Variants in BICD2 observed in about 807,000 individuals in gnomAD.
The protein encoded by BICD2 is BICD cargo adaptor 2.
Under a neutral mutation model 72.9 loss-of-function variants are expected in BICD2, and 25 were observed. That is an observed-to-expected ratio of 0.34 (90% CI 0.25 to 0.48). The LOEUF (loss-of-function observed/expected upper bound fraction) is 0.48. Among genes scored for constraint, BICD2 ranks in the 20% least tolerant of loss-of-function variants. The pLI, the probability that BICD2 is intolerant of heterozygous loss-of-function variation, is 0.99. For missense variants in BICD2, 894 were observed against 1,175.2 expected, an observed-to-expected ratio of 0.76 and a Z score of 3.50; for synonymous variants, 501 against 516.1, an observed-to-expected ratio of 0.97 and a Z score of 0.40.
intron 1 of BICD2, among the ~76,000 whole-genome samples, chr9:92,738,421 T>C (rs914053229): frequency 1.3e-5 from 2 of 152,194 alleles, no homozygotes; most frequent in East Asian, 1.9e-4. Flanking sequence ...ATATGGAAGA[T>C]GTCCTTACTC....
chr9:92,722,631 T>A, intron 3 of BICD2, 25 bp downstream of exon 3: 1 of 1,613,506 alleles, frequency 6.2e-7, no homozygotes, highest in Non-Finnish European at 8.5e-7. Context: ...ACGTGCCACC[T>A]CCACCCCACA....
intron 1 of BICD2, among the ~76,000 whole-genome samples, chr9:92,735,371 G>A (rs1463492654): frequency 6.6e-6 from 1 of 152,072 alleles, no homozygotes; most frequent in Non-Finnish European, 1.5e-5. Flanking sequence ...GGGATGGGCG[G>A]GGTAAGCTCT....
At chr9:92,729,299 C>G (rs1007828824) in intron 1 of BICD2, 63 bp from the exon 2 acceptor site, 44 of 1,545,592 alleles carry the variant, frequency 2.8e-5, no homozygotes, top group Middle Eastern at 1.7e-4. Context: ...GATAGAGACC[C>G]AGCTCACAGG....
intron 1 of BICD2, among the ~76,000 whole-genome samples, chr9:92,736,959 G>C (rs906282623): frequency 6.6e-6 from 1 of 152,180 alleles, no homozygotes; most frequent in Non-Finnish European, 1.5e-5. Context: ...AGGGCAGTAA[G>C]GATCCTGTCC....
rs1564056885 is a variant in BICD2 at position 92,713,233 on chromosome 9, C to T, written c.*1921G>A. 2 of 594,036 alleles carry T rather than the reference C, an allele frequency of 3.4e-6. No individual in the cohort carries two copies. The highest frequency in any genetic ancestry group is 5.9e-6 in the Non-Finnish European group (2 of 340,592). 36.8% of individuals were successfully genotyped at this position (594,036 alleles called of 1,614,324 possible). A position where few individuals can be genotyped will look rare whatever the true frequency, so the allele number is the denominator to read the frequency against. On this transcript the variant is annotated 3_prime_UTR_variant, in exon 7 of 7. Transcript: ENST00000356884. ...GAAGGGTCTTCGGCCCATACAGAGG[C>T]CTTTCCACGCAGCAGCTCGCAGCAT... is the stretch of plus-strand genomic sequence containing the variant.
chr9:92,755,435 G>A (rs905233738), intron 1 of BICD2, among the ~76,000 whole-genome samples: 1 of 151,950 alleles, frequency 6.6e-6, no homozygotes, highest in Admixed American at 6.6e-5. Context: ...ACACCTATTC[G>A]CACACTCCCT....
chr9:92,748,716 T>G (rs1854073882), intron 1 of BICD2, among the ~76,000 whole-genome samples: 1 of 152,046 alleles, frequency 6.6e-6, no homozygotes, highest in African/African-American at 2.4e-5. Flanking sequence ...CTCCCTCCTC[T>G]CTTTATTCAA....
Position 92,720,457 on chromosome 9 carries a change from C to T in BICD2, c.905G>A (p.Gly302Asp). The change falls in exon 4 of 7, where the codon GGC becomes GAC. Residue 302 changes from glycine to aspartate, a missense_variant. Transcript: ENST00000356884. The surrounding 1 kb of genome is among the most constrained non-coding windows in gnomAD (Gnocchi z 5.4). ...PNNDAEALVN[G>D]FEHGGLAKLP... ...CTTGGCCAGGCCGCCGTGCTCAAAG[C>T]CATTGACCAGGGCCTCGGCATCGTT... The T allele has an allele frequency of 6.2e-7, 1 of 1,614,238 alleles. No individual in the cohort carries two copies. Among genetic ancestry groups the T allele is most frequent in the Non-Finnish European group, 8.5e-7 (1 of 1,180,052 alleles).
intron 6 of BICD2, among the ~76,000 whole-genome samples, chr9:92,717,287 A>G (rs760732480): frequency 6.6e-6 from 1 of 152,188 alleles, no homozygotes; most frequent in Non-Finnish European, 1.5e-5. Flanking sequence ...TGCTCTCCTC[A>G]GCCCTTCTGC....
At position 92,718,722 on chromosome 9, in the gene BICD2, C is replaced by T; in HGVS notation, c.1923G>A (p.Leu641=). Residue 641 remains leucine (L), a synonymous_variant, in exon 5 of 7, where the codon CTG becomes CTA. Coordinates refer to ENST00000356884, the MANE Select transcript of BICD2 (RefSeq NM_001003800.2). ...IAIIRDQIKH[L]QAAVDRTTEL... The stretch of plus-strand genomic sequence containing the variant: ...CCGTGGTGCGGTCCACGGCTGCCTG[C>T]AGGTGCTTGATCTGGTCACGGATGA... 1 of 1,614,130 alleles carries T rather than the reference C, an allele frequency of 6.2e-7. No individual in the cohort carries two copies. The highest frequency in any genetic ancestry group is 8.5e-7 in the Non-Finnish European group (1 of 1,180,024).
intron 1 of BICD2, among the ~76,000 whole-genome samples, chr9:92,755,776 A>C (rs1007801541): frequency 1.3e-5 from 2 of 152,206 alleles, no homozygotes; most frequent in Non-Finnish European, 1.5e-5. Flanking sequence ...GGTGTGAGGA[A>C]GAAGGGCAGA....
chr9:92,721,622 A>T (rs938899932), intron 3 of BICD2, among the ~76,000 whole-genome samples: 1 of 152,256 alleles, frequency 6.6e-6, no homozygotes, highest in African/African-American at 2.4e-5. Flanking sequence ...TACCACATCC[A>T]AGGTGTGCTC....
At chr9:92,732,743 G>A (rs2131513464) in intron 1 of BICD2, among the ~76,000 whole-genome samples, 1 of 152,260 alleles carries the variant, frequency 6.6e-6, no homozygotes, top group Non-Finnish European at 1.5e-5. Flanking sequence ...AAATACTTTA[G>A]AGATACAAAA....
chr9:92,735,973 C>G (rs996425386), intron 1 of BICD2, among the ~76,000 whole-genome samples: 1 of 152,214 alleles, frequency 6.6e-6, no homozygotes, highest in Non-Finnish European at 1.5e-5. Context: ...AGGACAGCAG[C>G]ACCCATTAGC....
chr9:92,733,884 G>A (rs371124671), intron 1 of BICD2, among the ~76,000 whole-genome samples: 8 of 152,008 alleles, frequency 5.3e-5, no homozygotes, highest in African/African-American at 9.6e-5. Context: ...GGAGAATGGC[G>A]TGAACCCGGG....
At chr9:92,748,714 T>C (rs565049835) in intron 1 of BICD2, among the ~76,000 whole-genome samples, 2 of 152,120 alleles carry the variant, frequency 1.3e-5, no homozygotes, top group African/African-American at 4.8e-5. Context: ...AACTCCCTCC[T>C]CTCTTTATTC....
chr9:92,754,037 C>T (rs897312215), intron 1 of BICD2, among the ~76,000 whole-genome samples: 7 of 151,030 alleles, frequency 4.6e-5, no homozygotes, highest in Non-Finnish European at 8.9e-5. Context: ...CGGAGCTACT[C>T]GGGAGGCTGA....
chr9:92,760,855 A>G (rs548081673), intron 1 of BICD2, among the ~76,000 whole-genome samples: 42 of 152,272 alleles, frequency 2.8e-4, no homozygotes, highest in African/African-American at 9.4e-4. Context: ...GGACACAACA[A>G]TGTTCTCAGG....
Position 92,764,754 on chromosome 9 carries a change from G to A in BICD2, c.-10C>T, listed in dbSNP as rs764250786. On this transcript the variant is annotated 5_prime_UTR_variant, in exon 1 of 7. Coordinates refer to ENST00000356884, the MANE Select transcript of BICD2 (RefSeq NM_001003800.2). The surrounding 1 kb of genome is among the most constrained non-coding windows in gnomAD (Gnocchi z 5.5). ...CCGACGGCGCCGACATGGTGGCCGA[G>A]GGCTGAGCCGGCTCCCACTGAGGCT... 2 of 1,542,706 alleles carry A rather than the reference G, an allele frequency of 1.3e-6. No homozygotes were observed. Among genetic ancestry groups the A allele is most frequent in the Non-Finnish European group, 8.7e-7 (1 of 1,153,872 alleles).
Sources: gnomAD v4.1 joint callset for allele counts (sites outside exome capture counted in the v4.1 genomes callset) on GRCh38, gnomAD v4.1.1 for gene constraint, Gnocchi (gnomAD v3.1) non-coding constraint, MANE v1.5 for transcripts, NCBI Gene and HGNC (gene_info 2026-07-23, HGNC 2026-07-21) for gene names.